The following SLC8A1 variants were observed in gnomAD, a reference collection of about 807,000 sequenced individuals.
SLC8A1 encodes solute carrier family 8 member A1, also known as sodium/calcium exchanger 1.
In SLC8A1, 18 loss-of-function variants were observed where a neutral mutation model predicts 68.3. The observed-to-expected ratio is 0.26, with a 90% CI of 0.18 to 0.39. The LOEUF (loss-of-function observed/expected upper bound fraction) is 0.39, where lower values mean the gene tolerates loss of function less well. Among genes scored for constraint, SLC8A1 ranks in the 10% least tolerant of loss-of-function variants. The pLI, the probability that SLC8A1 is intolerant of heterozygous loss-of-function variation, is 1.00. For synonymous variants in SLC8A1, 475 were observed against 415.5 expected (o/e 1.14, Z -1.74); for missense variants, 985 against 1,156.7 (o/e 0.85, Z 2.15).
intron 7 of SLC8A1, among the ~76,000 whole-genome samples, chr2:40,136,358 A>G (rs1405581443): frequency 6.6e-6 from 1 of 152,206 alleles, no homozygotes; most frequent in Non-Finnish European, 1.5e-5. Context: ...TCTCACTTGA[A>G]AATGTATAAG....
intron 2 of SLC8A1, among the ~76,000 whole-genome samples, chr2:40,265,394 G>A (rs182521946): frequency 2.1e-4 from 32 of 152,234 alleles, no homozygotes; most frequent in African/African-American, 7.2e-4. Flanking sequence ...AACACCCTGT[G>A]AATGTACCTT....
exon 8 of SLC8A1, chr2:40,115,228 A>C: frequency 6.7e-7 from 1 of 1,500,912 alleles, no homozygotes; most frequent in Non-Finnish European, 8.9e-7. Flanking sequence ...GTATATATAT[A>C]AATTTACTAT....
chr2:40,478,660 C>A (rs1397218901), intron 1 of SLC8A1, among the ~76,000 whole-genome samples: 1 of 151,926 alleles, frequency 6.6e-6, no homozygotes, highest in African/African-American at 2.4e-5. Flanking sequence ...GTTCCAAAAT[C>A]TCTCATAGAC....
intron 2 of SLC8A1, among the ~76,000 whole-genome samples, chr2:40,239,578 T>C (rs1446577349): frequency 1.3e-5 from 2 of 152,200 alleles, no homozygotes; most frequent in African/African-American, 2.4e-5. Context: ...CCTCCTCCCA[T>C]GCACAGTCAC....
At chr2:40,155,799 G>GTGACA (rs924657390) in intron 6 of SLC8A1, among the ~76,000 whole-genome samples, 3 of 152,102 alleles carry the variant, frequency 2.0e-5, no homozygotes, top group African/African-American at 7.2e-5. Flanking sequence ...GTGGGCTAAG[G>GTGACA]TGACATGCCC....
chr2:40,305,459 G>A (rs1178167387), intron 2 of SLC8A1, among the ~76,000 whole-genome samples: 5 of 152,130 alleles, frequency 3.3e-5, no homozygotes, highest in Non-Finnish European at 5.9e-5. Context: ...AAGAATCACC[G>A]GTATAGGGAG....
At chr2:40,234,453 T>C (rs989769254) in intron 2 of SLC8A1, among the ~76,000 whole-genome samples, 1 of 152,300 alleles carries the variant, frequency 6.6e-6, no homozygotes, top group Non-Finnish European at 1.5e-5. Flanking sequence ...TGATTTTGTA[T>C]CCTGAGACTT....
intron 7 of SLC8A1, chr2:40,120,770 C>T (rs1261991041): frequency 6.6e-6 from 1 of 152,232 alleles, no homozygotes; most frequent in East Asian, 1.9e-4. Flanking sequence ...AATTAAACTA[C>T]ATGGCACAGT....
chr2:40,401,567 C>CAAAAAAAA (rs3060361), intron 2 of SLC8A1, among the ~76,000 whole-genome samples: 21 of 94,058 alleles, frequency 2.2e-4, no homozygotes, highest in South Asian at 4.2e-4. Context: ...ATAGGCCAGT[C>CAAAAAAAA]AAAAAAAAAA....
chr2:40,140,935 A>C (rs1269411068), intron 6 of SLC8A1, among the ~76,000 whole-genome samples: 2 of 152,212 alleles, frequency 1.3e-5, no homozygotes, highest in Non-Finnish European at 2.9e-5. Flanking sequence ...CAATAATAGT[A>C]ATCTAAAATG....
chr2:40,230,942 T>A (rs1042809428), intron 2 of SLC8A1, among the ~76,000 whole-genome samples: 3 of 152,188 alleles, frequency 2.0e-5, no homozygotes, highest in African/African-American at 7.2e-5. Context: ...ACAAGTCTCT[T>A]TTGTGTGATG....
chr2:40,141,010 A>G (rs901880195), intron 6 of SLC8A1, among the ~76,000 whole-genome samples: 6 of 152,236 alleles, frequency 3.9e-5, no homozygotes, highest in East Asian at 3.8e-4. Context: ...TTGAATGTCA[A>G]CTTTTCTTGA....
intron 2 of SLC8A1, among the ~76,000 whole-genome samples, chr2:40,248,417 C>T (rs1323427600): frequency 1.3e-5 from 2 of 152,050 alleles, no homozygotes; most frequent in Non-Finnish European, 2.9e-5. Flanking sequence ...TGGACATCTC[C>T]CTTGCCCTAC....
chr2:40,281,039 T>C (rs1216234170), intron 2 of SLC8A1, among the ~76,000 whole-genome samples: 1 of 152,232 alleles, frequency 6.6e-6, no homozygotes, highest in Non-Finnish European at 1.5e-5. Flanking sequence ...ACCTCCCATT[T>C]GTCTTGCACT....
chr2:40,257,568 T>A (rs1360736151), intron 2 of SLC8A1, among the ~76,000 whole-genome samples: 1 of 152,112 alleles, frequency 6.6e-6, no homozygotes, highest in Non-Finnish European at 1.5e-5. Flanking sequence ...CAAGAGCGTA[T>A]CAGATCACTC....
chr2:40,310,730 A>T (rs952194357), intron 2 of SLC8A1, among the ~76,000 whole-genome samples: 2 of 152,038 alleles, frequency 1.3e-5, no homozygotes, highest in Admixed American at 6.6e-5. Context: ...CACTTCCTTC[A>T]TCTCCCTCCA....
chr2:40,322,856 C>A (rs1422897820), intron 2 of SLC8A1, among the ~76,000 whole-genome samples: 3 of 151,682 alleles, frequency 2.0e-5, no homozygotes, highest in African/African-American at 7.3e-5. Flanking sequence ...ACACACCACA[C>A]ACACCCCACA....
At chr2:40,398,504 G>A (rs1193236421) in intron 2 of SLC8A1, among the ~76,000 whole-genome samples, 1 of 152,082 alleles carries the variant, frequency 6.6e-6, no homozygotes, top group African/African-American at 2.4e-5. Flanking sequence ...TAAACAGAAA[G>A]AAGAAAATAA....
chr2:40,164,729 C>G, intron 5 of SLC8A1, 125 bp downstream of exon 8: 1 of 1,315,286 alleles, frequency 7.6e-7, no homozygotes, highest in Non-Finnish European at 1.0e-6. Flanking sequence ...TCTCAATTCA[C>G]AAGCCAGTTC....
Sources: gnomAD v4.1 joint callset for allele counts (sites outside exome capture counted in the v4.1 genomes callset) on GRCh38, gnomAD v4.1.1 for gene constraint, MANE v1.5 for transcripts, NCBI Gene and HGNC (gene_info 2026-07-23, HGNC 2026-07-21) for gene names.